TENM2: variants seen among roughly 807,000 people sequenced by gnomAD.
TENM2 encodes the protein teneurin transmembrane protein 2.
TENM2 carries 52 observed loss-of-function variants against 245.2 expected under a neutral mutation model. The observed-to-expected ratio is 0.21, with a 90% confidence interval of 0.17 to 0.27. The LOEUF (loss-of-function observed/expected upper bound fraction) is 0.27, where lower values mean the gene tolerates loss of function less well. Ranked by LOEUF, TENM2 falls within the 10% of genes least tolerant of loss-of-function variation. The pLI, the probability that TENM2 is intolerant of heterozygous loss-of-function variation, is 1.00. For synonymous variants in TENM2, 1,363 were observed against 1,438.9 expected (o/e 0.95, Z 1.19); for missense variants, 3,046 against 3,666.8 (o/e 0.83, Z 4.37).
the TENM2 span, among the ~76,000 whole-genome samples, chr5:167,278,348 A>G: frequency 2.6e-4 from 40 of 152,224 alleles, no homozygotes; most frequent in East Asian, 7.5e-3. Flanking sequence ...CACCATAGAG[A>G]TGGGTCATGT....
intron 5 of TENM2, among the ~76,000 whole-genome samples, chr5:167,999,898 A>G (rs1215237262): frequency 6.6e-6 from 1 of 152,214 alleles, no homozygotes; most frequent in Non-Finnish European, 1.5e-5. Flanking sequence ...TGTGCACCTC[A>G]AGAATGCCAA....
the TENM2 span, among the ~76,000 whole-genome samples, chr5:166,994,651 C>G: frequency 6.6e-6 from 1 of 152,234 alleles, no homozygotes; most frequent in Non-Finnish European, 1.5e-5. Flanking sequence ...GAAAGGCAGG[C>G]TTTTATTTTA....
At chr5:167,561,068 C>A (rs576297692) in intron 2 of TENM2, among the ~76,000 whole-genome samples, 1 of 152,268 alleles carries the variant, frequency 6.6e-6, no homozygotes, top group African/African-American at 2.4e-5. Context: ...CTGAGGTAAG[C>A]AAAATCACCA....
chr5:167,138,257 T>G, the TENM2 span, among the ~76,000 whole-genome samples: 1 of 152,210 alleles, frequency 6.6e-6, no homozygotes, highest in Admixed American at 6.5e-5. Flanking sequence ...ATAGCATATC[T>G]TTCTTTTTAA....
chr5:167,474,805 T>C lies in TENM2; in HGVS notation c.502+99332T>C, dbSNP rs576056225. Among the ~76,000 whole-genome samples, 14 of 152,310 alleles carry C rather than the reference T, an allele frequency of 9.2e-5. No homozygotes were observed. The East Asian group carries it at 2.7e-3, about 29-fold the overall frequency. Reference sequence around the variant, plus strand: ...TTCTGGGATTACAGGCGTGAGCCATTGCACTTGGCCTAAAAAGAGATATTT... The same window carrying C: ...TTCTGGGATTACAGGCGTGAGCCATCGCACTTGGCCTAAAAAGAGATATTT... On this transcript the variant is annotated intron_variant, in intron 2 of 28. Transcript: ENST00000518659.
intron 2 of TENM2, among the ~76,000 whole-genome samples, chr5:167,521,629 T>C (rs1395415524): frequency 6.6e-6 from 1 of 152,170 alleles, no homozygotes. Context: ...TATTATTTCA[T>C]GAATGAGTTC....
chr5:167,390,939 C>A (rs2127361427), intron 2 of TENM2, among the ~76,000 whole-genome samples: 1 of 152,284 alleles, frequency 6.6e-6, no homozygotes, highest in East Asian at 1.9e-4. Context: ...CTTGCTCCCA[C>A]TTCTCTTCTA....
At chr5:167,929,042 GAA>G (rs1378057650) in intron 3 of TENM2, among the ~76,000 whole-genome samples, 1 of 99,532 alleles carries the variant, frequency 1.0e-5, no homozygotes, top group Non-Finnish European at 2.1e-5. Flanking sequence ...AGAAAGAAAA[GAA>G]AAAAGAAAGA....
At chr5:167,911,034 T>A (rs924803170) in intron 3 of TENM2, among the ~76,000 whole-genome samples, 5 of 152,204 alleles carry the variant, frequency 3.3e-5, no homozygotes, top group African/African-American at 1.2e-4. Flanking sequence ...CGTAAACTTC[T>A]TATTAGAAGA....
the TENM2 span, among the ~76,000 whole-genome samples, chr5:167,260,866 AGAC>A: frequency 6.6e-6 from 1 of 152,208 alleles, no homozygotes; most frequent in African/African-American, 2.4e-5. Flanking sequence ...CCAACGATAA[AGAC>A]AACACTGATA....
intron 2 of TENM2, among the ~76,000 whole-genome samples, chr5:167,551,009 G>A (rs1004504302): frequency 6.6e-5 from 10 of 152,050 alleles, no homozygotes; most frequent in Non-Finnish European, 1.5e-4. Flanking sequence ...GATTACAGGC[G>A]TGAGCCACCA....
intron 2 of TENM2, among the ~76,000 whole-genome samples, chr5:167,836,140 T>G (rs1439129688): frequency 2.6e-5 from 4 of 152,204 alleles, no homozygotes; most frequent in Non-Finnish European, 5.9e-5. Context: ...GACAATTACT[T>G]TTTTATGATA....
At chr5:167,806,249 A>G (rs780395475) in intron 2 of TENM2, among the ~76,000 whole-genome samples, 1 of 152,148 alleles carries the variant, frequency 6.6e-6, no homozygotes, top group African/African-American at 2.4e-5. Context: ...ATAATTAATG[A>G]CAAGCATTTT....
At chr5:168,169,755 C>T (rs1758631222) in intron 13 of TENM2, among the ~76,000 whole-genome samples, 1 of 152,210 alleles carries the variant, frequency 6.6e-6, no homozygotes, top group Non-Finnish European at 1.5e-5. Flanking sequence ...GGTGAACCCA[C>T]TGTAAATGCC....
chr5:168,217,720 G>A (rs1200554049), intron 22 of TENM2, among the ~76,000 whole-genome samples: 6 of 152,118 alleles, frequency 3.9e-5, no homozygotes, highest in African/African-American at 9.7e-5. Context: ...TACAGGTGCC[G>A]CCTCTAAATG....
chr5:167,724,302 T>TC (rs1456096277), intron 2 of TENM2, among the ~76,000 whole-genome samples: 1 of 151,816 alleles, frequency 6.6e-6, no homozygotes, highest in Non-Finnish European at 1.5e-5. Flanking sequence ...TTTTTTTTTT[T>TC]CCCATGTACT....
intron 2 of TENM2, among the ~76,000 whole-genome samples, chr5:167,800,722 G>A (rs937707312): frequency 6.6e-6 from 1 of 152,120 alleles, no homozygotes; most frequent in East Asian, 1.9e-4. Context: ...GTCTTTATGT[G>A]TGTTTTCCAC....
At chr5:168,062,354 A>G in intron 7 of TENM2, 89 bp downstream of exon 9, 2 of 994,202 alleles carry the variant, frequency 2.0e-6, no homozygotes, top group Non-Finnish European at 3.0e-6. Flanking sequence ...CATCCACTAC[A>G]ATGCCTATAA....
At chr5:168,165,034 G>A (rs1758092783) in intron 13 of TENM2, 1 of 152,066 alleles carries the variant, frequency 6.6e-6, no homozygotes, top group Non-Finnish European at 1.5e-5. Context: ...TGGGTATTTT[G>A]CAGTTTCCAT....
Sources: gnomAD v4.1 joint callset for allele counts (sites outside exome capture counted in the v4.1 genomes callset) on GRCh38, gnomAD v4.1.1 for gene constraint, MANE v1.5 for transcripts, NCBI Gene and HGNC (gene_info 2026-07-23, HGNC 2026-07-21) for gene names.